The following ZNF410 variants were observed in gnomAD, a reference collection of about 807,000 sequenced individuals.
ZNF410 encodes the protein zinc finger protein 410.
A neutral mutation model predicts 54.8 loss-of-function variants in ZNF410; 18 were observed. That is an observed-to-expected ratio of 0.33 (90% CI 0.23 to 0.49). The LOEUF is 0.49. ZNF410 is among the 20% of genes least tolerant of loss of function. The pLI is 0.99. For synonymous variants in ZNF410, 191 were observed against 207.3 expected (o/e 0.92, Z 0.68); for missense variants, 405 against 569.6 (o/e 0.71, Z 2.94).
chr14:73,931,674 C>G lies in ZNF410; in HGVS notation c.*133C>G, dbSNP rs1036986115. 3.9e-6 allele frequency: 3 copies of G among 770,640 alleles called. No homozygotes were observed. Among genetic ancestry groups the G allele is most frequent in the Non-Finnish European group, 6.5e-6 (3 of 458,282 alleles). 47.7% of individuals were successfully genotyped at this position (770,640 alleles called of 1,614,324 possible). A position where few individuals can be genotyped will look rare whatever the true frequency, so the allele number is the denominator to read the frequency against. Reference sequence around the variant, plus strand: ...ACAAGACTCTGCTTTTGCCACTCTTCCTCTTTCCTGGTATAGAAGATGGAT... The same window carrying G: ...ACAAGACTCTGCTTTTGCCACTCTTGCTCTTTCCTGGTATAGAAGATGGAT... On this transcript the variant is annotated 3_prime_UTR_variant, in exon 12 of 12. Transcript: ENST00000555044.
At chr14:73,908,648 A>G (rs2055528814) in intron 7 of ZNF410, among the ~76,000 whole-genome samples, 2 of 152,100 alleles carry the variant, frequency 1.3e-5, no homozygotes, top group African/African-American at 2.4e-5. Flanking sequence ...ACTCTGTTTC[A>G]AGGCTCTGCT....
chr14:73,923,761 T>C (rs1185326805), intron 11 of ZNF410, among the ~76,000 whole-genome samples: 1 of 152,148 alleles, frequency 6.6e-6, no homozygotes, highest in African/African-American at 2.4e-5. Context: ...TATACATTCC[T>C]TGTTGATGTC....
At position 73,923,411 on chromosome 14, in the gene ZNF410, A is replaced by T. The variant is rs1316207456; in HGVS notation, c.1287A>T (p.Gly429=). 1 of 1,613,320 alleles carries T rather than the reference A, an allele frequency of 6.2e-7. No individual in the cohort carries two copies. The highest frequency in any genetic ancestry group is 1.1e-5 in the South Asian group (1 of 90,806). ...GCTTCACAGAGGTGCTTGCTGAAGG[A>T]TCCCCACGTTCCCTGTCTTCAGTGC... The part of the protein sequence containing the change: ...LGVDDEVLAE[G]SPRSLSSVPD... The change falls in exon 11 of 12, where the codon GGA becomes GGT. Residue 429 remains glycine, a synonymous_variant. Transcript: ENST00000555044.
chr14:73,905,918 T>C (rs2140306924), intron 7 of ZNF410, among the ~76,000 whole-genome samples: 1 of 148,590 alleles, frequency 6.7e-6, no homozygotes, highest in African/African-American at 2.5e-5. Flanking sequence ...TACACATACA[T>C]ATATATACAC....
intron 5 of ZNF410, among the ~76,000 whole-genome samples, chr14:73,901,295 G>A (rs978292557): frequency 3.4e-4 from 52 of 152,294 alleles, no homozygotes; most frequent in African/African-American, 9.9e-4. Flanking sequence ...CGGCAGCCGG[G>A]CGCAGTGGTT....
intron 8 of ZNF410, 68 bp from the exon 9 acceptor site, chr14:73,920,912 A>G (rs1378357022): frequency 1.9e-6 from 3 of 1,596,018 alleles, no homozygotes; most frequent in Non-Finnish European, 2.6e-6. Flanking sequence ...GGGTTTCTCC[A>G]TCTAGGTCTT....
chr14:73,917,960 G>A (rs2055693241), intron 8 of ZNF410, among the ~76,000 whole-genome samples: 1 of 152,090 alleles, frequency 6.6e-6, no homozygotes, highest in Non-Finnish European at 1.5e-5. Flanking sequence ...TACATAAAAT[G>A]GCATGGTATT....
intron 11 of ZNF410, chr14:73,927,089 AT>A (rs113156661): frequency 0.08 from 12,075 of 151,580 alleles, 608 homozygotes; most frequent in African/African-American, 0.17. Flanking sequence ...GTTTATTATG[AT>A]TTTTTTTTTT....
intron 8 of ZNF410, among the ~76,000 whole-genome samples, chr14:73,911,627 A>C (rs1247369279): frequency 1.3e-5 from 2 of 152,172 alleles, no homozygotes; most frequent in Non-Finnish European, 2.9e-5. Context: ...TCACCAAAGT[A>C]GAGAAATTTT....
intron 3 of ZNF410, chr14:73,894,251 A>C: frequency 2.9e-6 from 2 of 682,642 alleles, no homozygotes; most frequent in Non-Finnish European, 5.3e-6. Context: ...AGTTGGATGA[A>C]CATCAGCAGA....
chr14:73,903,222 G>A (rs987774969), intron 5 of ZNF410, among the ~76,000 whole-genome samples: 4 of 151,874 alleles, frequency 2.6e-5, no homozygotes, highest in East Asian at 3.9e-4. Flanking sequence ...TCCGCCTCCC[G>A]GACACAAGCA....
chr14:73,909,485 A>G, intron 8 of ZNF410, 55 bp downstream of exon 8: 1 of 1,461,800 alleles, frequency 6.8e-7, no homozygotes, highest in Non-Finnish European at 9.6e-7. Flanking sequence ...AAAGAATAAA[A>G]GGGTTGTGGG....
Position 73,931,533 on chromosome 14 carries a change from C to T in ZNF410, c.1429C>T (p.Arg477Trp), listed in dbSNP as rs945612998. 2.2e-5 allele frequency: 36 copies of T among 1,607,980 alleles called. No individual in the cohort carries two copies. The highest frequency in any genetic ancestry group is 3.5e-5 in the Admixed American group (2 of 57,660). Residue 477 changes from arginine (R) to tryptophan (W), a missense_variant, in exon 12 of 12, where the codon CGG (arginine) becomes TGG (tryptophan). Arg to Trp is a moderately radical substitution (Grantham distance 101). Transcript: ENST00000555044. Reference sequence around the variant, plus strand: ...AAACCAAGGAGATTTAACTGAAAGACGGACATGAGCGTGGGTGCTGACTCC... The same window carrying T: ...AAACCAAGGAGATTTAACTGAAAGATGGACATGAGCGTGGGTGCTGACTCC... ...LLNQGDLTER[R>W]T
chr14:73,896,637 T>C, intron 4 of ZNF410, 103 bp downstream of exon 4: 1 of 924,938 alleles, frequency 1.1e-6, no homozygotes, highest in South Asian at 1.7e-5. Flanking sequence ...ACCTTTATTA[T>C]TTTATTATTT....
chr14:73,913,822 C>T (rs1187950941), intron 8 of ZNF410: 1 of 152,064 alleles, frequency 6.6e-6, no homozygotes, highest in Admixed American at 6.6e-5. Flanking sequence ...TTTGTGTTGC[C>T]TGGGCTCGTC....
At position 73,904,197 on chromosome 14, in the gene ZNF410, T is replaced by G. The variant is rs1015106495; in HGVS notation, c.731+87T>G. 63 of 1,483,072 alleles carry G rather than the reference T, an allele frequency of 4.2e-5. No individual in the cohort carries two copies. The African/African-American group carries it at 8.4e-4, about 20-fold the overall frequency. 91.9% of individuals were successfully genotyped at this position (1,483,072 alleles called of 1,614,324 possible). On this transcript the variant is annotated intron_variant, in intron 6 of 11. Coordinates refer to ENST00000555044, the MANE Select transcript of ZNF410 (RefSeq NM_021188.3). ...GGAACTTGCCCCTCAGGTTGACAAATTACAGGAAAGTAGGGACTCCAGTTA... is the reference window on the plus strand; with the variant it reads ...GGAACTTGCCCCTCAGGTTGACAAAGTACAGGAAAGTAGGGACTCCAGTTA...
chr14:73,921,273 T>C, intron 9 of ZNF410, 168 bp downstream of exon 9: 2 of 720,390 alleles, frequency 2.8e-6, no homozygotes, highest in Non-Finnish European at 4.2e-6. Flanking sequence ...AGTAGAATCA[T>C]CTGCAACCTT....
At chr14:73,923,120 T>C (rs1201005036) in intron 10 of ZNF410, among the ~76,000 whole-genome samples, 2 of 152,220 alleles carry the variant, frequency 1.3e-5, no homozygotes, top group Non-Finnish European at 2.9e-5. Flanking sequence ...CCTAAGACTT[T>C]TGCCTGTTTC....
rs1189283519 is a variant in ZNF410, at chr14:73,931,543, C to T, written c.*2C>T. On this transcript the variant is annotated 3_prime_UTR_variant, in exon 12 of 12. Coordinates refer to ENST00000555044, the MANE Select transcript of ZNF410 (RefSeq NM_021188.3). ...GATTTAACTGAAAGACGGACATGAG[C>T]GTGGGTGCTGACTCCTGGAAGAGCA... The T allele has an allele frequency of 5.0e-6, 8 of 1,609,378 alleles. No individual in the cohort carries two copies. Among genetic ancestry groups the T allele is most frequent in the African/African-American group, 1.3e-5 (1 of 74,518 alleles).
Sources: allele counts gnomAD v4.1 joint callset (sites outside exome capture counted in the v4.1 genomes callset), GRCh38; gene constraint gnomAD v4.1.1; transcripts MANE v1.5; gene names NCBI Gene and HGNC (gene_info 2026-07-23, HGNC 2026-07-21).